MPHOSPH6: variants seen among roughly 807,000 people sequenced by gnomAD.
MPHOSPH6 encodes M-phase phosphoprotein 6.
Under a neutral mutation model 21.8 loss-of-function variants are expected in MPHOSPH6, and 25 were observed. The ratio of observed to expected loss-of-function variants is 1.15; its 90% CI spans 0.83 to 1.60. MPHOSPH6 has a LOEUF of 1.60. MPHOSPH6 is among the 40% of genes most tolerant of loss of function. The probability of loss-of-function intolerance (pLI) is 0.00; values close to 1 mark genes in which losing one functional copy is unlikely to be tolerated. For synonymous variants in MPHOSPH6, 84 were observed against 56.5 expected, an observed-to-expected ratio of 1.49 and a Z score of -2.18; for missense variants, 269 against 181.8, an observed-to-expected ratio of 1.48 and a Z score of -2.76.
intron 1 of MPHOSPH6, 178 bp downstream of exon 1, chr16:82,169,947 T>C: frequency 1.4e-6 from 1 of 709,174 alleles, no homozygotes; most frequent in Non-Finnish European, 2.1e-6. Flanking sequence ...GCCTAATTCG[T>C]AAGCTGGTTC....
chr16:82,153,371 A>G (rs371393631), intron 2 of MPHOSPH6, among the ~76,000 whole-genome samples: 1 of 152,170 alleles, frequency 6.6e-6, no homozygotes, highest in Non-Finnish European at 1.5e-5. Flanking sequence ...ATCCAAGCAT[A>G]TGACTGTGAT....
intron 2 of MPHOSPH6, among the ~76,000 whole-genome samples, chr16:82,161,260 G>A (rs1164885167): frequency 6.6e-6 from 1 of 152,164 alleles, no homozygotes; most frequent in Non-Finnish European, 1.5e-5. Context: ...TGGGTGGAAG[G>A]AAAGGCTATT....
chr16:82,168,408 C>CATCCCAGCTCAACTGGG (rs1390037788), intron 1 of MPHOSPH6, among the ~76,000 whole-genome samples: 1 of 152,074 alleles, frequency 6.6e-6, no homozygotes, highest in Non-Finnish European at 1.5e-5. Context: ...TTCACCCATT[C>CATCCCAGCTCAACTGGG]ATCCCTAACT....
intron 2 of MPHOSPH6, among the ~76,000 whole-genome samples, chr16:82,156,390 G>GA (rs1172635149): frequency 6.6e-6 from 1 of 152,022 alleles, no homozygotes; most frequent in East Asian, 1.9e-4. Flanking sequence ...CTGGATGGGG[G>GA]ATGAACAAAT....
At chr16:82,169,597 C>T (rs530703370) in intron 1 of MPHOSPH6, among the ~76,000 whole-genome samples, 91 of 152,284 alleles carry the variant, frequency 6.0e-4, no homozygotes, top group African/African-American at 2.2e-3. Flanking sequence ...TACACATATA[C>T]ATCTTGTTGA....
chr16:82,162,940 A>G (rs969257965), intron 2 of MPHOSPH6, among the ~76,000 whole-genome samples: 2 of 145,870 alleles, frequency 1.4e-5, no homozygotes, highest in Non-Finnish European at 3.0e-5. Flanking sequence ...AAGTTTACTT[A>G]AGGCATAAAA....
intron 2 of MPHOSPH6, among the ~76,000 whole-genome samples, chr16:82,152,198 T>C (rs762272915): frequency 2.3e-4 from 35 of 152,228 alleles, no homozygotes; most frequent in Non-Finnish European, 3.7e-4. Context: ...GGTGCACTTA[T>C]ACACAGATTT....
chr16:82,148,608 T>C lies in MPHOSPH6; in HGVS notation c.*123A>G. 2 of 1,219,044 alleles carry C rather than the reference T, an allele frequency of 1.6e-6. No individual in the cohort carries two copies. Among genetic ancestry groups the C allele is most frequent in the East Asian group, 2.4e-5 (1 of 41,866 alleles). The allele number at this position is 1,219,044 out of a possible 1,614,324, so 75.5% of individuals were successfully genotyped here. ...TTTCAAAAACAGCATGTTTCTAAAATGATAATCTCTTTACAAGTAAACGTT... is the reference window on the plus strand; with the variant it reads ...TTTCAAAAACAGCATGTTTCTAAAACGATAATCTCTTTACAAGTAAACGTT... On this transcript the variant is annotated 3_prime_UTR_variant, in exon 5 of 5. Coordinates refer to ENST00000258169, the MANE Select transcript of MPHOSPH6 (RefSeq NM_005792.2).
intron 1 of MPHOSPH6, among the ~76,000 whole-genome samples, chr16:82,165,941 C>A (rs989915105): frequency 2.6e-5 from 4 of 152,200 alleles, no homozygotes; most frequent in Non-Finnish European, 5.9e-5. Context: ...AAACTGATCA[C>A]TCAAACATAG....
At position 82,151,495 on chromosome 16, in the gene MPHOSPH6, G is replaced by T. The variant is rs903906142; in HGVS notation, c.184C>A (p.Gln62Lys). The part of the protein sequence containing the change: ...KEKESFIIEE[Q>K]SFLLCEDLLY... ...AGATCTTCACATAGTAAGAAACTCT[G>T]CTCTTCTATTATGAAACTCCTAAAT... The change falls in exon 3 of 5, where the codon CAG (glutamine) becomes AAG (lysine). Residue 62 changes from glutamine to lysine, a missense_variant. Physicochemically the swap from Gln to Lys is moderately conservative, Grantham distance 53 (BLOSUM62 1). Coordinates refer to ENST00000258169, the MANE Select transcript of MPHOSPH6 (RefSeq NM_005792.2). The T allele has an allele frequency of 1.9e-6, 3 of 1,594,796 alleles. No homozygotes were observed. The highest frequency in any genetic ancestry group is 2.6e-6 in the Non-Finnish European group (3 of 1,171,810).
chr16:82,148,816 CTCTT>C lies in MPHOSPH6; in HGVS notation c.394_397del (p.Lys132GlufsTer14), dbSNP rs1288573798. On this transcript the variant is annotated frameshift_variant, in exon 5 of 5. Coordinates refer to ENST00000258169, the MANE Select transcript of MPHOSPH6 (RefSeq NM_005792.2). LOFTEE classifies it high-confidence loss of function. ...ATCTTCTTCATAATTGGCATGGTCT[CTCTT>C]TCTGGCAAACTTTTTCCCAATTGTC... 1.2e-6 allele frequency: 2 copies of C among 1,614,154 alleles called. No individual in the cohort carries two copies. The highest frequency in any genetic ancestry group is 1.7e-6 in the Non-Finnish European group (2 of 1,180,012).
chr16:82,150,060 G>A (rs570840820), intron 3 of MPHOSPH6, among the ~76,000 whole-genome samples: 1 of 149,070 alleles, frequency 6.7e-6, no homozygotes, highest in East Asian at 2.1e-4. Context: ...AAGAGGAGAA[G>A]GAATAAAAGA....
chr16:82,154,640 T>C (rs1449910054), intron 2 of MPHOSPH6, among the ~76,000 whole-genome samples: 5 of 151,650 alleles, frequency 3.3e-5, no homozygotes, highest in Admixed American at 6.6e-5. Flanking sequence ...ATAGAACTTA[T>C]ATAATTAAGG....
rs1163682709 is a variant in MPHOSPH6, at chr16:82,148,567, A to C, written c.*164T>G. 1 of 844,600 alleles carries C rather than the reference A, an allele frequency of 1.2e-6. No individual in the cohort carries two copies. The highest frequency in any genetic ancestry group is 2.6e-5 in the East Asian group (1 of 38,094). The allele number at this position is 844,600 out of a possible 1,614,324, so 52.3% of individuals were successfully genotyped here. On this transcript the variant is annotated 3_prime_UTR_variant, in exon 5 of 5. Transcript: ENST00000258169. The stretch of plus-strand genomic sequence containing the variant: ...TACCAAGAAGCAAAGGATGTACAAC[A>C]TCCATCACACATCTGTTTCAAAAAC...
chr16:82,165,875 CAT>C (rs1467625208), intron 1 of MPHOSPH6, among the ~76,000 whole-genome samples: 16 of 152,188 alleles, frequency 1.1e-4, no homozygotes, highest in Admixed American at 1.0e-3. Context: ...GTTGTTAAAT[CAT>C]GTGTTAAGTA....
Position 82,149,337 on chromosome 16 carries a change from C to A in MPHOSPH6, c.322G>T (p.Asp108Tyr), listed in dbSNP as rs1906188213. 6.2e-7 allele frequency: 1 copy of A among 1,613,288 alleles called. No homozygotes were observed. Among genetic ancestry groups the A allele is most frequent in the Non-Finnish European group, 8.5e-7 (1 of 1,180,034 alleles). ...CTAGCCATCTCTTCATCTGACACAT[C>A]AAGCTCTACTGTTTCATCTTCAACT... ...EEVEDETVELDVSDEEMARRY... is the reference protein window; with the variant it reads ...EEVEDETVELYVSDEEMARRY... The change falls in exon 4 of 5, where the codon GAT becomes TAT. Residue 108 changes from aspartate to tyrosine, a missense_variant. By Grantham distance (160) the Asp-to-Tyr change is radical (BLOSUM62 -3). Transcript: ENST00000258169.
chr16:82,161,033 C>T (rs1373007757), intron 2 of MPHOSPH6, among the ~76,000 whole-genome samples: 2 of 152,178 alleles, frequency 1.3e-5, no homozygotes, highest in Non-Finnish European at 2.9e-5. Context: ...TGGCTTATTA[C>T]TCTTCGTTCA....
In MPHOSPH6 at chr16:82,148,680, C is replaced by T. The variant is rs778408284; in HGVS notation, c.*51G>A. On this transcript the variant is annotated 3_prime_UTR_variant, in exon 5 of 5. Transcript: ENST00000258169. ...ACACCATTGGGATGAGCTCCAGATGCCCTGCTGACTTCCACCAAGCACCCC... is the reference window on the plus strand; with the variant it reads ...ACACCATTGGGATGAGCTCCAGATGTCCTGCTGACTTCCACCAAGCACCCC... 6 of 1,598,634 alleles carry T rather than the reference C, an allele frequency of 3.8e-6. No individual in the cohort carries two copies. The highest frequency in any genetic ancestry group is 3.4e-5 in the Admixed American group (2 of 58,548).
At chr16:82,157,454 A>G (rs1906463845) in intron 2 of MPHOSPH6, among the ~76,000 whole-genome samples, 1 of 152,260 alleles carries the variant, frequency 6.6e-6, no homozygotes, top group Non-Finnish European at 1.5e-5. Flanking sequence ...GGTTTAAGAA[A>G]TCAGAACAGT....
Sources: allele counts gnomAD v4.1 joint callset (sites outside exome capture counted in the v4.1 genomes callset), GRCh38; gene constraint gnomAD v4.1.1; transcripts MANE v1.5; gene names NCBI Gene and HGNC (gene_info 2026-07-23, HGNC 2026-07-21).